Variants in DOCK11 observed in about 807,000 individuals in gnomAD.
The protein encoded by DOCK11 is dedicator of cytokinesis 11.
A neutral mutation model predicts 169.1 loss-of-function variants in DOCK11; 70 were observed. The ratio of observed to expected loss-of-function variants is 0.41; its 90% CI spans 0.34 to 0.51. The LOEUF is 0.51. DOCK11 is among the 20% of genes least tolerant of loss of function. The pLI is 0.10. For missense variants in DOCK11, 1,166 were observed against 1,538.8 expected (o/e 0.76, Z 4.05); for synonymous variants, 529 against 541.3 (o/e 0.98, Z 0.32).
Position 118,685,866 on chromosome X carries a change from G to A in DOCK11, c.*59G>A. The A allele has an allele frequency of 8.6e-7, 1 of 1,164,580 alleles. No homozygotes were observed. Among genetic ancestry groups the A allele is most frequent in the Non-Finnish European group, 1.1e-6 (1 of 869,750 alleles). ...CTTTCTCAGGAATATTTGGAGCTGT[G>A]CAAATGTTAAAATTTAAAGATTTGA... On this transcript the variant is annotated 3_prime_UTR_variant, in exon 53 of 53. Transcript: ENST00000276202.
chrX:118,669,016 A>G (rs1034167866), intron 45 of DOCK11, among the ~76,000 whole-genome samples: 5 of 111,840 alleles, frequency 4.5e-5, no homozygotes, highest in African/African-American at 1.6e-4. Context: ...TTTATGTGCC[A>G]CATGAAGGAG....
Position 118,513,305 on chromosome X carries a change from G to T in DOCK11, c.102+17232G>T, listed in dbSNP as rs1000001374. Among the ~76,000 whole-genome samples, 3 of 112,434 alleles carry T rather than the reference G, an allele frequency of 2.7e-5. No homozygotes were observed. The Admixed American group carries it at 2.8e-4, about 11-fold the overall frequency. The stretch of plus-strand genomic sequence containing the variant: ...ATTCCAAAGGCCTGAGCTAGTGATG[G>T]CTGGATGCCTTTTCTGGAAATCCAG... On this transcript the variant is annotated intron_variant, in intron 1 of 52. Coordinates refer to ENST00000276202, the MANE Select transcript of DOCK11 (RefSeq NM_144658.4).
At chrX:118,564,249 TC>T (rs2147378194) in intron 7 of DOCK11, among the ~76,000 whole-genome samples, 1 of 112,633 alleles carries the variant, frequency 8.9e-6, no homozygotes, top group Non-Finnish European at 1.9e-5. Flanking sequence ...TGATACCGCC[TC>T]CCAAATATTT....
intron 31 of DOCK11, 30 bp from the exon 32 acceptor site, chrX:118,624,509 C>T (rs368187850): frequency 2.6e-4 from 234 of 883,613 alleles, no homozygotes; most frequent in African/African-American, 2.6e-3. Flanking sequence ...ATATTATATA[C>T]GTATTAAGCT....
intron 6 of DOCK11, among the ~76,000 whole-genome samples, chrX:118,548,389 C>G (rs940734303): frequency 1.8e-5 from 2 of 111,928 alleles, no homozygotes; most frequent in Admixed American, 9.5e-5. Flanking sequence ...ATCCCTGGAA[C>G]CAGTCAATGG....
At chrX:118,568,422 A>ATT (rs2013158038) in intron 10 of DOCK11, among the ~76,000 whole-genome samples, 1 of 42,776 alleles carries the variant, frequency 2.3e-5, no homozygotes, top group Non-Finnish European at 4.2e-5. Context: ...ATATATATAT[A>ATT]TATTTCTCAG....
chrX:118,525,546 G>T (rs923042673), intron 1 of DOCK11, among the ~76,000 whole-genome samples: 2 of 111,625 alleles, frequency 1.8e-5, no homozygotes, highest in African/African-American at 6.5e-5. Flanking sequence ...GAAGTGCAGA[G>T]TTGAATGCGT....
chrX:118,648,147 T>TGTAATATTATATAATATAATATATA, intron 40 of DOCK11, among the ~76,000 whole-genome samples: 1 of 62,338 alleles, frequency 1.6e-5, no homozygotes, highest in Non-Finnish European at 2.6e-5. Context: ...ATATATAAAT[T>TGTAATATTATATAATATAATATATA]AATATATAAT....
At chrX:118,627,705 T>A in intron 33 of DOCK11, 126 bp downstream of exon 33, 1 of 501,969 alleles carries the variant, frequency 2.0e-6, no homozygotes, top group Non-Finnish European at 3.3e-6. Context: ...AAAGTTTAAT[T>A]AAAATCTGAC....
intron 1 of DOCK11, among the ~76,000 whole-genome samples, chrX:118,513,782 C>G (rs4825587): frequency 0.44 from 48,598 of 110,149 alleles, 8,277 homozygotes; most frequent in East Asian, 0.6. Context: ...AGTTCTTGCA[C>G]CTCAGTTTAA....
At chrX:118,540,854 A>G (rs778465226) in intron 1 of DOCK11, among the ~76,000 whole-genome samples, 1 of 111,963 alleles carries the variant, frequency 8.9e-6, no homozygotes, top group Non-Finnish European at 1.9e-5. Context: ...CTTAATATAA[A>G]TTATATTTGG....
chrX:118,522,001 A>G (rs1037034676), intron 1 of DOCK11, among the ~76,000 whole-genome samples: 2 of 112,255 alleles, frequency 1.8e-5, no homozygotes, highest in Admixed American at 9.5e-5. Flanking sequence ...GGGAATTCAC[A>G]AAACTGCTGC....
chrX:118,670,970 C>G (rs1172176062), intron 45 of DOCK11, 53 bp from the exon 46 acceptor site: 2 of 1,116,081 alleles, frequency 1.8e-6, no homozygotes, highest in Non-Finnish European at 1.2e-6. Context: ...ATTTATTTGT[C>G]CAAAACTCTA....
At chrX:118,550,945 C>T (rs1328888358) in intron 6 of DOCK11, among the ~76,000 whole-genome samples, 1 of 111,291 alleles carries the variant, frequency 9.0e-6, no homozygotes, top group Non-Finnish European at 1.9e-5. Flanking sequence ...GGGAAGATGA[C>T]TCAGGTGTGC....
At chrX:118,524,510 AATAG>A (rs959421775) in intron 1 of DOCK11, among the ~76,000 whole-genome samples, 2 of 111,947 alleles carry the variant, frequency 1.8e-5, no homozygotes, top group African/African-American at 6.5e-5. Flanking sequence ...TAATGTCCAG[AATAG>A]ATAAAGAACT....
At position 118,631,684 on chromosome X, in the gene DOCK11, T is replaced by C. The variant is rs147164852; in HGVS notation, c.3886+1194T>C. ...AATCTTTATCTGTTCTCCACTCCCA[T>C]TGCCACTTGACTAGCCTTAAAAAAA... On this transcript the variant is annotated intron_variant, in intron 35 of 52. Transcript: ENST00000276202. Among the ~76,000 whole-genome samples, 511 of 110,511 alleles carry C rather than the reference T, an allele frequency of 4.6e-3. 3 individuals are homozygous for C. Among genetic ancestry groups the C allele is most frequent in the African/African-American group, 0.015 (461 of 30,315 alleles).
chrX:118,648,276 T>A (rs1006140054), intron 40 of DOCK11, among the ~76,000 whole-genome samples: 1 of 88,951 alleles, frequency 1.1e-5, no homozygotes, highest in Non-Finnish European at 2.1e-5. Flanking sequence ...TATAGTGATA[T>A]AGTGGCAATT....
chrX:118,545,545 AT>A (rs1371785300), intron 5 of DOCK11, among the ~76,000 whole-genome samples, 153 bp downstream of exon 5: 1 of 108,908 alleles, frequency 9.2e-6, no homozygotes, highest in East Asian at 2.8e-4. Flanking sequence ...GTGCTTTTCA[AT>A]TTTTTTTTTA....
At chrX:118,496,880 G>A (rs1234861071) in intron 1 of DOCK11, among the ~76,000 whole-genome samples, 2 of 111,344 alleles carry the variant, frequency 1.8e-5, no homozygotes, top group Non-Finnish European at 3.8e-5. Flanking sequence ...GAGCCCCACA[G>A]CTCAGGACTG....
Sources: gnomAD v4.1 joint callset for allele counts (sites outside exome capture counted in the v4.1 genomes callset) on GRCh38, gnomAD v4.1.1 for gene constraint, MANE v1.5 for transcripts, NCBI Gene and HGNC (gene_info 2026-07-23, HGNC 2026-07-21) for gene names.